CEBPE: variants seen among roughly 807,000 people sequenced by gnomAD.
The protein encoded by CEBPE is CCAAT enhancer binding protein epsilon.
CEBPE carries 10 observed loss-of-function variants against 20.4 expected under a neutral mutation model. The observed-to-expected ratio is 0.49, with a 90% CI of 0.30 to 0.83. The LOEUF is 0.83. Ranked by LOEUF, CEBPE falls within the 40% of genes least tolerant of loss-of-function variation. CEBPE has a pLI of 0.06. For missense variants in CEBPE, 389 were observed against 383.3 expected (o/e 1.01, Z -0.12); for synonymous variants, 179 against 162.6 (o/e 1.10, Z -0.77).
At position 23,117,395 on chromosome 14, in the gene CEBPE, T is replaced by C. The variant is rs1654369804; in HGVS notation, c.*92A>G. On this transcript the variant is annotated 3_prime_UTR_variant, in exon 2 of 2. Transcript: ENST00000206513. Reference sequence around the variant, plus strand: ...CCCCGGTTGCCATTTATCCATGGTCTATGTCTCAGGGTTCTAGGCCCCCAG... The same window carrying C: ...CCCCGGTTGCCATTTATCCATGGTCCATGTCTCAGGGTTCTAGGCCCCCAG... The C allele has an allele frequency of 1.5e-6, 2 of 1,357,126 alleles. No individual in the cohort carries two copies. Among genetic ancestry groups the C allele is most frequent in the African/African-American group, 2.9e-5 (2 of 69,378 alleles). 84.1% of individuals were successfully genotyped at this position (1,357,126 alleles called of 1,614,324 possible).
At position 23,117,801 on chromosome 14, in the gene CEBPE, G is replaced by T; in HGVS notation, c.532C>A (p.Pro178Thr). The T allele has an allele frequency of 6.2e-7, 1 of 1,606,656 alleles. No homozygotes were observed. Among genetic ancestry groups the T allele is most frequent in the Middle Eastern group, 1.7e-4 (1 of 6,016 alleles). The change falls in exon 2 of 2, where the codon CCC becomes ACC. Residue 178 changes from proline (P) to threonine (T), a missense_variant. Pro to Thr is a conservative substitution (Grantham distance 38). Transcript: ENST00000206513. Reference sequence around the variant, plus strand: ...GCCTTCAGGAGGGGACTGCAGGGGGGTGCGGCAGTGGCCAAAGGGGCCTGG... The same window carrying T: ...GCCTTCAGGAGGGGACTGCAGGGGGTTGCGGCAGTGGCCAAAGGGGCCTGG... ...VLKAPLATAAPPCSPLLKAPS... is the reference protein window; with the variant it reads ...VLKAPLATAATPCSPLLKAPS...
At position 23,118,588 on chromosome 14, in the gene CEBPE, A is replaced by G. The variant is rs371937597; in HGVS notation, c.504T>C (p.Val168=). 48 of 1,608,122 alleles carry G rather than the reference A, an allele frequency of 3.0e-5. 1 individual carries two copies. Among genetic ancestry groups the G allele is most frequent in the African/African-American group, 2.4e-4 (18 of 75,002 alleles). The part of the protein sequence containing the change: ...TLAAPGQPLR[V]LKAPLATAAP... ...AGGGCTGGCCTGCTCTTACCTTGAG[A>G]ACGCGCAGAGGCTGGCCGGGTGCTG... Residue 168 remains valine, a synonymous_variant, in exon 1 of 2, where the codon GTT becomes GTC. Coordinates refer to ENST00000206513, the MANE Select transcript of CEBPE (RefSeq NM_001805.4). The surrounding 1 kb of genome is among the most constrained non-coding windows in gnomAD (Gnocchi z 5.5).
chr14:23,119,097 G>A lies in CEBPE; in HGVS notation c.-6C>T. ...TAGTAGGTCCCGTGGGACATGGCCGGCCCGCCCCCTCGGCTCCCCGCCCCC... is the reference window on the plus strand; with the variant it reads ...TAGTAGGTCCCGTGGGACATGGCCGACCCGCCCCCTCGGCTCCCCGCCCCC... On this transcript the variant is annotated 5_prime_UTR_variant, in exon 1 of 2. Transcript: ENST00000206513. 6.3e-7 allele frequency: 1 copy of A among 1,587,166 alleles called. No homozygotes were observed.
At position 23,117,770 on chromosome 14, in the gene CEBPE, G is replaced by C. The variant is rs1230820277; in HGVS notation, c.563C>G (p.Ser188Cys). ...PPCSPLLKAP[S>C]PAGPLHKGKK... ...GCCCTTGTGTAAGGGGCCAGCCGGG[G>C]AGGGCGCCTTCAGGAGGGGACTGCA... Residue 188 changes from serine (S) to cysteine (C), a missense_variant, in exon 2 of 2, where the codon TCC becomes TGC. By Grantham distance (112) the Ser-to-Cys change is moderately radical. This residue lies in a region of CEBPE where 294 missense variants were observed against 279.7 expected (regional missense o/e 1.05). Transcript: ENST00000206513. 1.2e-6 allele frequency: 2 copies of C among 1,612,930 alleles called. No individual in the cohort carries two copies. Among genetic ancestry groups the C allele is most frequent in the Non-Finnish European group, 1.7e-6 (2 of 1,179,692 alleles).
Position 23,118,820 on chromosome 14 carries a change from G to C in CEBPE, c.272C>G (p.Pro91Arg), listed in dbSNP as rs1594808996. 2.5e-6 allele frequency: 4 copies of C among 1,613,848 alleles called. No individual in the cohort carries two copies. The East Asian group carries it at 6.7e-5, about 27-fold the overall frequency. Residue 91 changes from proline (P) to arginine (R), a missense_variant, in exon 1 of 2, where the codon CCT becomes CGT. Physicochemically the swap from Pro to Arg is moderately radical, Grantham distance 103. This residue lies in a region of CEBPE where 294 missense variants were observed against 279.7 expected (regional missense o/e 1.05). Coordinates refer to ENST00000206513, the MANE Select transcript of CEBPE (RefSeq NM_001805.4). The surrounding 1 kb of genome is among the most constrained non-coding windows in gnomAD (Gnocchi z 5.5). The part of the protein sequence containing the change: ...LPPDPRPFAY[P>R]PHTFGPDRKA... ...CCTGTCTGGGCCGAAGGTATGTGGA[G>C]GGTAGGCAAAGGGCCGAGGGTCAGG...
chr14:23,117,842 G>T lies in CEBPE; in HGVS notation c.511-20C>A. ...AGGGGCCTGGAGGGGAAGGCACGGAGAGACGGAGAGGTGAGGGCTGGCCAG... is the reference window on the plus strand; with the variant it reads ...AGGGGCCTGGAGGGGAAGGCACGGATAGACGGAGAGGTGAGGGCTGGCCAG... On this transcript the variant is annotated intron_variant, in intron 1 of 1. Coordinates refer to ENST00000206513, the MANE Select transcript of CEBPE (RefSeq NM_001805.4). The T allele has an allele frequency of 6.3e-7, 1 of 1,577,886 alleles. No individual in the cohort carries two copies. Among genetic ancestry groups the T allele is most frequent in the South Asian group, 1.1e-5 (1 of 89,288 alleles).
Position 23,117,631 on chromosome 14 carries a change from C to G in CEBPE, c.702G>C (p.Gln234His). 6.2e-7 allele frequency: 1 copy of G among 1,614,212 alleles called. No individual in the cohort carries two copies. Among genetic ancestry groups the G allele is most frequent in the Non-Finnish European group, 8.5e-7 (1 of 1,180,048 alleles). Residue 234 changes from glutamine to histidine, a missense_variant, in exon 2 of 2, where the codon CAG becomes CAC. By Grantham distance (24) the Gln-to-His change is conservative. Coordinates refer to ENST00000206513, the MANE Select transcript of CEBPE (RefSeq NM_001805.4). The stretch of plus-strand genomic sequence containing the variant: ...TCTCTGCCATGTACTCCAGCACCTT[C>G]TGCTGCGTCTCCAGAATGCGCCTCT... ...KAKRRILETQQKVLEYMAENE... is the reference protein window; with the variant it reads ...KAKRRILETQHKVLEYMAENE...
rs141903485 is a variant in CEBPE, at chr14:23,118,629, G to C, written c.463C>G (p.Leu155Val). ...VAHCGQTAMH[L>V]PPTLAAPGQP... ...CCGGGTGCTGCCAGAGTTGGGGGCA[G>C]GTGCATGGCTGTCTGCCCACAGTGT... Residue 155 changes from leucine to valine, a missense_variant, in exon 1 of 2, where the codon CTG (leucine) becomes GTG (valine). Physicochemically the swap from Leu to Val is conservative, Grantham distance 32. This residue lies in a region of CEBPE where 294 missense variants were observed against 279.7 expected (regional missense o/e 1.05). Coordinates refer to ENST00000206513, the MANE Select transcript of CEBPE (RefSeq NM_001805.4). This position sits in a 1 kb window ranked among gnomAD's most constrained non-coding sequence, Gnocchi z 5.5. 5 of 1,611,418 alleles carry C rather than the reference G, an allele frequency of 3.1e-6. No homozygotes were observed. The highest frequency in any genetic ancestry group is 4.2e-6 in the Non-Finnish European group (5 of 1,179,908).
rs2048520525 is a variant in CEBPE, at chr14:23,118,498, G to A, written c.510+84C>T. On this transcript the variant is annotated intron_variant, in intron 1 of 1. Coordinates refer to ENST00000206513, the MANE Select transcript of CEBPE (RefSeq NM_001805.4). The surrounding 1 kb of genome is among the most constrained non-coding windows in gnomAD (Gnocchi z 5.5). ...CAGAGCGACACCAAGCACAGGCTCA[G>A]CAGCATGAGCCGGGGCACAGGGTCC... 1 of 1,475,510 alleles carries A rather than the reference G, an allele frequency of 6.8e-7. No homozygotes were observed. The highest frequency in any genetic ancestry group is 1.3e-5 in the South Asian group (1 of 78,780). 91.4% of individuals were successfully genotyped at this position (1,475,510 alleles called of 1,614,324 possible). A position where few individuals can be genotyped will look rare whatever the true frequency, so the allele number is the denominator to read the frequency against.
In CEBPE at chr14:23,118,478, C is replaced by G. The variant is rs539942864; in HGVS notation, c.510+104G>C. 6 of 1,410,522 alleles carry G rather than the reference C, an allele frequency of 4.3e-6. No homozygotes were observed. The South Asian group carries it at 5.5e-5, about 13-fold the overall frequency. The allele number at this position is 1,410,522 out of a possible 1,614,324, so 87.4% of individuals were successfully genotyped here. On this transcript the variant is annotated intron_variant, in intron 1 of 1. Coordinates refer to ENST00000206513, the MANE Select transcript of CEBPE (RefSeq NM_001805.4). The surrounding 1 kb of genome is among the most constrained non-coding windows in gnomAD (Gnocchi z 5.5). ...TGTGGGTTGGGTCCATTTCACAGAGCGACACCAAGCACAGGCTCAGCAGCA... is the reference window on the plus strand; with the variant it reads ...TGTGGGTTGGGTCCATTTCACAGAGGGACACCAAGCACAGGCTCAGCAGCA...
In CEBPE at chr14:23,118,206, A is replaced by G. The variant is rs1566773292; in HGVS notation, c.510+376T>C. ...CACGACACCCAGCCAATGCTCTCAC[A>G]CTTTCTGAGTACACTTTCCCTCAAT... On this transcript the variant is annotated intron_variant, in intron 1 of 1. Transcript: ENST00000206513. The surrounding 1 kb of genome is among the most constrained non-coding windows in gnomAD (Gnocchi z 5.5). 6.6e-6 allele frequency among the ~76,000 whole-genome samples: 1 copy of G among 151,962 alleles called. No individual in the cohort carries two copies. The highest frequency in any genetic ancestry group is 1.5e-5 in the Non-Finnish European group (1 of 67,986).
At position 23,117,498 on chromosome 14, in the gene CEBPE, C is replaced by T; in HGVS notation, c.835G>A (p.Gly279Ser). 2 of 1,612,294 alleles carry T rather than the reference C, an allele frequency of 1.2e-6. No homozygotes were observed. Among genetic ancestry groups the T allele is most frequent in the Non-Finnish European group, 1.7e-6 (2 of 1,179,570 alleles). Residue 279 changes from glycine to serine, a missense_variant, in exon 2 of 2, where the codon GGT becomes AGT. Physicochemically the swap from Gly to Ser is moderately conservative, Grantham distance 56. Transcript: ENST00000206513. ...TCCACCAGCCAGCCTCAGCTGCAAC[C>T]CCCCACGCCCTTGATGAGGTTGGCC... Reference protein sequence around the residue: ...EAANLIKGVGGCS With the variant: ...EAANLIKGVGSCS
chr14:23,117,486 C>G lies in CEBPE; in HGVS notation c.*1G>C, dbSNP rs746944840. On this transcript the variant is annotated 3_prime_UTR_variant, in exon 2 of 2. Transcript: ENST00000206513. ...TGGTGCCCACAATCCACCAGCCAGCCTCAGCTGCAACCCCCCACGCCCTTG... is the reference window on the plus strand; with the variant it reads ...TGGTGCCCACAATCCACCAGCCAGCGTCAGCTGCAACCCCCCACGCCCTTG... The G allele has an allele frequency of 1.9e-6, 3 of 1,610,050 alleles. No individual in the cohort carries two copies. The South Asian group carries it at 3.3e-5, about 18-fold the overall frequency.
Position 23,117,682 on chromosome 14 carries a change from G to C in CEBPE, c.651C>G (p.Ala217=), listed in dbSNP as rs769087828. ...TGGCCTTGTCTCGGCTCTTGCGCAC[G>C]GCGATGTTGTTGCGCTCCCGCCTCA... ...YRLRRERNNI[A]VRKSRDKAKR... Residue 217 remains alanine (A), a synonymous_variant, in exon 2 of 2, where the codon GCC becomes GCG. Coordinates refer to ENST00000206513, the MANE Select transcript of CEBPE (RefSeq NM_001805.4). 6.2e-6 allele frequency: 10 copies of C among 1,614,028 alleles called. No individual in the cohort carries two copies. The highest frequency in any genetic ancestry group is 2.7e-5 in the African/African-American group (2 of 74,932).
chr14:23,119,156 G>T lies in CEBPE; in HGVS notation c.-65C>A, dbSNP rs1048724555. On this transcript the variant is annotated 5_prime_UTR_variant, in exon 1 of 2. Transcript: ENST00000206513. ...TTGAGGCACCCCTTGGGGTGCTCCG[G>T]CTGCCCTCTCTCTACCTCCTCCTGA... is the stretch of plus-strand genomic sequence containing the variant. 15 of 1,166,354 alleles carry T rather than the reference G, an allele frequency of 1.3e-5. No individual in the cohort carries two copies. Among genetic ancestry groups the T allele is most frequent in the Admixed American group, 1.0e-4 (5 of 49,514 alleles). The allele number at this position is 1,166,354 out of a possible 1,614,324, so 72.3% of individuals were successfully genotyped here. A position where few individuals can be genotyped will look rare whatever the true frequency, so the allele number is the denominator to read the frequency against.
Position 23,117,701 on chromosome 14 carries a change from C to G in CEBPE, c.632G>C (p.Arg211Pro). Residue 211 changes from arginine to proline, a missense_variant, in exon 2 of 2, where the codon CGG becomes CCG. By Grantham distance (103) the Arg-to-Pro change is moderately radical (BLOSUM62 -2). Transcript: ENST00000206513. ...GCGCACGGCGATGTTGTTGCGCTCC[C>G]GCCTCAGCCGGTACTCAAGGCTATC... is the stretch of plus-strand genomic sequence containing the variant. ...NKDSLEYRLRRERNNIAVRKS... is the reference protein window; with the variant it reads ...NKDSLEYRLRPERNNIAVRKS... The G allele has an allele frequency of 1.2e-6, 2 of 1,614,178 alleles. No individual in the cohort carries two copies. Among genetic ancestry groups the G allele is most frequent in the Non-Finnish European group, 1.7e-6 (2 of 1,180,038 alleles).
At position 23,118,430 on chromosome 14, in the gene CEBPE, G is replaced by A. The variant is rs985062559; in HGVS notation, c.510+152C>T. On this transcript the variant is annotated intron_variant, in intron 1 of 1. Coordinates refer to ENST00000206513, the MANE Select transcript of CEBPE (RefSeq NM_001805.4). This position sits in a 1 kb window ranked among gnomAD's most constrained non-coding sequence, Gnocchi z 5.5. Reference sequence around the variant, plus strand: ...TCACAGAGAAGGAAAGGGAGGTCATGGTGGGGTGTGAACACAGAGGACTGT... The same window carrying A: ...TCACAGAGAAGGAAAGGGAGGTCATAGTGGGGTGTGAACACAGAGGACTGT... 5.3e-6 allele frequency: 5 copies of A among 938,782 alleles called. No individual in the cohort carries two copies. In the Admixed American group the frequency reaches 8.7e-5, roughly 16 times the overall value. 58.2% of individuals were successfully genotyped at this position (938,782 alleles called of 1,614,324 possible). A position where few individuals can be genotyped will look rare whatever the true frequency, so the allele number is the denominator to read the frequency against.
At chr14:23,117,932 A>G (rs2140291432) in intron 1 of CEBPE, 110 bp from the exon 2 acceptor site, 1 of 779,390 alleles carries the variant, frequency 1.3e-6, no homozygotes, top group Non-Finnish European at 2.0e-6. Flanking sequence ...TCAAAGGAAT[A>G]CAGGACTCAG....
Position 23,119,203 on chromosome 14 carries a change from T to A in CEBPE, c.-112A>T. ...CTGACCTGGGCCTGCCCTCTCTCGA[T>A]CTTCTGCCCTAGACCTGCCCTCTGC... On this transcript the variant is annotated 5_prime_UTR_variant, in exon 1 of 2. Coordinates refer to ENST00000206513, the MANE Select transcript of CEBPE (RefSeq NM_001805.4). 1.4e-6 allele frequency: 1 copy of A among 731,040 alleles called. No individual in the cohort carries two copies. The highest frequency in any genetic ancestry group is 2.3e-5 in the Admixed American group (1 of 43,614). The allele number at this position is 731,040 out of a possible 1,614,324, so 45.3% of individuals were successfully genotyped here.
Sources: gnomAD v4.1 joint callset for allele counts (sites outside exome capture counted in the v4.1 genomes callset) on GRCh38, gnomAD v4.1.1 for gene constraint, gnomAD v4.1.1 regional missense constraint, Gnocchi (gnomAD v3.1) non-coding constraint, MANE v1.5 for transcripts, NCBI Gene and HGNC (gene_info 2026-07-23, HGNC 2026-07-21) for gene names.